The following KCNMB2 variants were observed in gnomAD, a reference collection of about 807,000 sequenced individuals.
The protein encoded by KCNMB2 is potassium calcium-activated channel subfamily M regulatory beta subunit 2.
Under a neutral mutation model 24.5 loss-of-function variants are expected in KCNMB2, and 9 were observed. The ratio of observed to expected loss-of-function variants is 0.37; its 90% CI spans 0.22 to 0.64. The LOEUF is 0.64. Ranked by LOEUF, KCNMB2 falls within the 30% of genes least tolerant of loss-of-function variation. The pLI is 0.63. For synonymous variants in KCNMB2, 109 were observed against 104.4 expected (o/e 1.04, Z -0.27); for missense variants, 226 against 284.3 (o/e 0.79, Z 1.47).
intron 1 of KCNMB2, among the ~76,000 whole-genome samples, chr3:178,707,106 G>C (rs1353933166): frequency 2.0e-5 from 3 of 152,134 alleles, no homozygotes; most frequent in East Asian, 1.9e-4. Flanking sequence ...AAAGGCCTAA[G>C]GGAGGATATG....
intron 1 of KCNMB2, among the ~76,000 whole-genome samples, chr3:178,775,809 G>A (rs1246646437): frequency 6.6e-6 from 1 of 152,140 alleles, no homozygotes; most frequent in Non-Finnish European, 1.5e-5. Context: ...TTTCTCCTCT[G>A]GGGCTCCCAA....
chr3:178,757,752 G>C (rs1426025596), intron 1 of KCNMB2, among the ~76,000 whole-genome samples: 2 of 78,872 alleles, frequency 2.5e-5, no homozygotes, highest in Admixed American at 1.6e-4. Context: ...ATATATATAA[G>C]AGGATATATA....
chr3:178,625,479 C>T (rs148563099), intron 1 of KCNMB2, among the ~76,000 whole-genome samples: 12 of 152,190 alleles, frequency 7.9e-5, no homozygotes, highest in African/African-American at 2.6e-4. Flanking sequence ...GGGTCAATGC[C>T]GGGGTGGGGA....
At chr3:178,571,150 T>C (rs554442615) in intron 1 of KCNMB2, among the ~76,000 whole-genome samples, 1 of 152,258 alleles carries the variant, frequency 6.6e-6, no homozygotes, top group Admixed American at 6.5e-5. Flanking sequence ...ATTACAATTT[T>C]ATTCTTTCTA....
intron 1 of KCNMB2, among the ~76,000 whole-genome samples, chr3:178,794,401 TA>T (rs34358884): frequency 4.0e-5 from 6 of 150,598 alleles, no homozygotes; most frequent in African/African-American, 1.5e-4. Flanking sequence ...AAGCACCATC[TA>T]AAAAAAAAGG....
intron 1 of KCNMB2, among the ~76,000 whole-genome samples, chr3:178,760,501 G>T (rs911850146): frequency 5.3e-5 from 6 of 112,988 alleles, no homozygotes; most frequent in Non-Finnish European, 9.3e-5. Context: ...GTATCTCCAA[G>T]AGTTTCGTGT....
intron 1 of KCNMB2, among the ~76,000 whole-genome samples, chr3:178,752,895 T>C (rs12637647): frequency 0.14 from 21,303 of 152,166 alleles, 1,839 homozygotes; most frequent in Non-Finnish European, 0.18. Flanking sequence ...CATAGTCTTT[T>C]GGGGAAGCAA....
chr3:178,664,713 G>A (rs547678583), intron 1 of KCNMB2, among the ~76,000 whole-genome samples: 6 of 152,014 alleles, frequency 3.9e-5, no homozygotes, highest in African/African-American at 1.4e-4. Flanking sequence ...ATGGGAAGAA[G>A]GAAGAAAGGA....
chr3:178,710,621 T>A lies in KCNMB2; in HGVS notation c.-67-96722T>A, dbSNP rs142454973. ...TGTTTTCAGAGGTTTCCCCCACTCA[T>A]ATGTGTATGTGTGTGCGTGAGTGTG... On this transcript the variant is annotated intron_variant, in intron 1 of 4. Coordinates refer to ENST00000452583, the MANE Select transcript of KCNMB2 (RefSeq NM_181361.3). 5.9e-5 allele frequency among the ~76,000 whole-genome samples: 9 copies of A among 152,082 alleles called. No homozygotes were observed. The East Asian group carries it at 1.7e-3, about 29-fold the overall frequency.
chr3:178,756,293 T>C (rs1301269940), intron 1 of KCNMB2, among the ~76,000 whole-genome samples: 2 of 151,726 alleles, frequency 1.3e-5, no homozygotes, highest in Non-Finnish European at 2.9e-5. Flanking sequence ...GAAAAGTATG[T>C]ATATGGGCAG....
intron 1 of KCNMB2, among the ~76,000 whole-genome samples, chr3:178,764,177 C>T (rs1712025464): frequency 6.6e-6 from 1 of 152,174 alleles, no homozygotes; most frequent in African/African-American, 2.4e-5. Context: ...TAACTTCGCA[C>T]ATTTTGATCT....
At chr3:178,655,952 A>C (rs763020601) in intron 1 of KCNMB2, among the ~76,000 whole-genome samples, 1 of 152,216 alleles carries the variant, frequency 6.6e-6, no homozygotes, top group Non-Finnish European at 1.5e-5. Flanking sequence ...ATGGAACAGC[A>C]ATGAAACCAA....
chr3:178,808,771 G>A (rs1238412960), intron 2 of KCNMB2, among the ~76,000 whole-genome samples: 4 of 152,206 alleles, frequency 2.6e-5, no homozygotes, highest in Middle Eastern at 3.4e-3. Flanking sequence ...TGCAAACTAC[G>A]ATTGCAGCCA....
intron 4 of KCNMB2, among the ~76,000 whole-genome samples, chr3:178,829,145 C>A (rs1714956333): frequency 6.6e-6 from 1 of 152,010 alleles, no homozygotes; most frequent in African/African-American, 2.4e-5. Flanking sequence ...CTTGCCATTA[C>A]AATTTTAAGT....
At chr3:178,790,780 A>G (rs1367554748) in intron 1 of KCNMB2, among the ~76,000 whole-genome samples, 1 of 152,208 alleles carries the variant, frequency 6.6e-6, no homozygotes, top group Non-Finnish European at 1.5e-5. Flanking sequence ...TCATTTCTTC[A>G]GGGAAAAGTT....
At position 178,553,205 on chromosome 3, in the gene KCNMB2, T is replaced by C. The variant is rs76033281; in HGVS notation, c.-68+16494T>C. Among the ~76,000 whole-genome samples, 33 of 152,342 alleles carry C rather than the reference T, an allele frequency of 2.2e-4. No individual in the cohort carries two copies. In the East Asian group the frequency reaches 6.0e-3, roughly 28 times the overall value. On this transcript the variant is annotated intron_variant, in intron 1 of 4. Coordinates refer to ENST00000452583, the MANE Select transcript of KCNMB2 (RefSeq NM_181361.3). ...AAAGTCAGTTAAGATTTATGACAGA[T>C]ACATAAAATGTGAGGAAGGAAACAG... is the stretch of plus-strand genomic sequence containing the variant.
At chr3:178,609,490 C>T (rs533848730) in intron 1 of KCNMB2, among the ~76,000 whole-genome samples, 74 of 151,892 alleles carry the variant, frequency 4.9e-4, no homozygotes, top group Admixed American at 8.5e-4. Flanking sequence ...TGATGTGATC[C>T]GATTTGTCCA....
At chr3:178,781,268 G>C (rs1712820891) in intron 1 of KCNMB2, among the ~76,000 whole-genome samples, 2 of 151,968 alleles carry the variant, frequency 1.3e-5, no homozygotes, top group African/African-American at 4.8e-5. Flanking sequence ...TTTTTGTTTT[G>C]TTTTGTTTAC....
chr3:178,823,134 T>C (rs1714696205), intron 2 of KCNMB2, among the ~76,000 whole-genome samples: 1 of 152,238 alleles, frequency 6.6e-6, no homozygotes, highest in African/African-American at 2.4e-5. Context: ...TTTTTAAAAT[T>C]TGAGTTCCTA....
Sources: gnomAD v4.1 joint callset for allele counts (sites outside exome capture counted in the v4.1 genomes callset) on GRCh38, gnomAD v4.1.1 for gene constraint, MANE v1.5 for transcripts, NCBI Gene and HGNC (gene_info 2026-07-23, HGNC 2026-07-21) for gene names.